ARHGEF40: variants seen among roughly 807,000 people sequenced by gnomAD.
The protein encoded by ARHGEF40 is Rho guanine nucleotide exchange factor (GEF) 40.
ARHGEF40 carries 98 observed loss-of-function variants against 165.9 expected under a neutral mutation model. The ratio of observed to expected loss-of-function variants is 0.59; its 90% CI spans 0.50 to 0.70. The LOEUF (loss-of-function observed/expected upper bound fraction) is 0.70. Among genes scored for constraint, ARHGEF40 ranks in the 30% least tolerant of loss-of-function variants. ARHGEF40 has a pLI of 0.00. For synonymous variants in ARHGEF40, 792 were observed against 814.3 expected (o/e 0.97, Z 0.47); for missense variants, 1,815 against 1,968.0 (o/e 0.92, Z 1.47).
intron 17 of ARHGEF40, 23 bp from the exon 18 acceptor site, chr14:21,084,725 CAACCA>C: frequency 6.2e-7 from 1 of 1,603,180 alleles, no homozygotes; most frequent in Non-Finnish European, 8.5e-7. Flanking sequence ...GCCCCTGGGC[CAACCA>C]CTTTTCCTTT....
At position 21,074,778 on chromosome 14, in the gene ARHGEF40, C is replaced by T; in HGVS notation, c.1048C>T (p.Leu350=). 6.2e-7 allele frequency: 1 copy of T among 1,609,934 alleles called. No homozygotes were observed. The highest frequency in any genetic ancestry group is 8.5e-7 in the Non-Finnish European group (1 of 1,178,560). The change falls in exon 3 of 24, where the codon CTG becomes TTG. Residue 350 remains leucine, a synonymous_variant. Transcript: ENST00000298694. This position sits in a 1 kb window ranked among gnomAD's most constrained non-coding sequence, Gnocchi z 4.8. ...AVGEASGSCP[L]RPGELRGGGG... is the part of the protein sequence containing the mutation. ...GGGAGAAGCCTCCGGATCTTGCCCC[C>T]TGAGGCCAGGGGAGCTTAGAGGAGG...
intron 11 of ARHGEF40, among the ~76,000 whole-genome samples, chr14:21,079,644 G>C (rs1251310373): frequency 1.3e-5 from 2 of 152,168 alleles, no homozygotes; most frequent in Non-Finnish European, 2.9e-5. Context: ...TTAGCCCCGA[G>C]CATGGTGAAT....
At chr14:21,082,721 C>A in intron 15 of ARHGEF40, 110 bp from the exon 16 acceptor site, 1 of 1,219,682 alleles carries the variant, frequency 8.2e-7, no homozygotes, top group Non-Finnish European at 1.2e-6. Context: ...TGAGTGCTCC[C>A]TGGTGACCCA....
rs1482773252 is a variant in ARHGEF40, at chr14:21,070,661, C to CCA, written c.3+268_3+269dup. On this transcript the variant is annotated intron_variant, in intron 1 of 23. Coordinates refer to ENST00000298694, the MANE Select transcript of ARHGEF40 (RefSeq NM_018071.5). This position sits in a 1 kb window ranked among gnomAD's most constrained non-coding sequence, Gnocchi z 4.7. Reference sequence around the variant, plus strand: ...TCCTCCCTTGGGTCTCTCCCCTAATCCACACACCTCCCCGCTCCCCGCCCT... The same window carrying CCA: ...TCCTCCCTTGGGTCTCTCCCCTAATCCACACACACCTCCCCGCTCCCCGCCCT... Among the ~76,000 whole-genome samples the CCA allele has an allele frequency of 2.0e-5, 3 of 152,110 alleles. No homozygotes were observed. The highest frequency in any genetic ancestry group is 4.4e-5 in the Non-Finnish European group (3 of 68,010).
At chr14:21,077,224 C>T (rs934073933) in intron 8 of ARHGEF40, among the ~76,000 whole-genome samples, 2 of 152,010 alleles carry the variant, frequency 1.3e-5, no homozygotes, top group South Asian at 4.2e-4. Flanking sequence ...CCCATGTCAA[C>T]CTCTTGAGTA....
At chr14:21,083,029 A>G in intron 16 of ARHGEF40, 112 bp downstream of exon 16, 1 of 901,510 alleles carries the variant, frequency 1.1e-6, no homozygotes, top group Admixed American at 2.1e-5. Context: ...AACATCACCT[A>G]CCAATCATCT....
rs1316883966 is a variant in ARHGEF40, at chr14:21,087,475, C to T, written c.4387+12C>T. On this transcript the variant is annotated intron_variant, in intron 21 of 23. Coordinates refer to ENST00000298694, the MANE Select transcript of ARHGEF40 (RefSeq NM_018071.5). ...GCAAATTTCCCTGGGTGAGGCACCTCTCAAGGGGTGGCTCCCAACAGCTCG... is the reference window on the plus strand; with the variant it reads ...GCAAATTTCCCTGGGTGAGGCACCTTTCAAGGGGTGGCTCCCAACAGCTCG... 1 of 1,599,978 alleles carries T rather than the reference C, an allele frequency of 6.3e-7. No homozygotes were observed. The highest frequency in any genetic ancestry group is 1.7e-4 in the Middle Eastern group (1 of 6,058).
intron 16 of ARHGEF40, 37 bp downstream of exon 16, chr14:21,082,954 A>T (rs771313047): frequency 6.3e-7 from 1 of 1,597,388 alleles, no homozygotes; most frequent in South Asian, 1.1e-5. Context: ...AAAAGTAGAG[A>T]GGCCAGAAAG....
chr14:21,082,365 G>A lies in ARHGEF40; in HGVS notation c.3373G>A (p.Ala1125Thr). 2 of 1,611,542 alleles carry A rather than the reference G, an allele frequency of 1.2e-6. No homozygotes were observed. Among genetic ancestry groups the A allele is most frequent in the South Asian group, 1.1e-5 (1 of 91,064 alleles). Residue 1125 changes from alanine to threonine, a missense_variant, in exon 15 of 24, where the codon GCT becomes ACT. Ala to Thr is a moderately conservative substitution (Grantham distance 58). Coordinates refer to ENST00000298694, the MANE Select transcript of ARHGEF40 (RefSeq NM_018071.5). The part of the protein sequence containing the change: ...LTPELRGTWA[A>T]ALSARERLRS... ...GCCTGAACTTCGGGGCACCTGGGCTGCTGCCCTGAGTGCCCGGGAAAGGCT... is the reference window on the plus strand; with the variant it reads ...GCCTGAACTTCGGGGCACCTGGGCTACTGCCCTGAGTGCCCGGGAAAGGCT...
chr14:21,072,963 G>A lies in ARHGEF40; in HGVS notation c.4-82G>A. On this transcript the variant is annotated intron_variant, in intron 1 of 23. Transcript: ENST00000298694. This position sits in a 1 kb window ranked among gnomAD's most constrained non-coding sequence, Gnocchi z 4.1. ...TACAATCGGGGCTTTGGAGAACACAGCCAACCCCAGACCAGTGCAGCTCCC... is the reference window on the plus strand; with the variant it reads ...TACAATCGGGGCTTTGGAGAACACAACCAACCCCAGACCAGTGCAGCTCCC... 3.5e-6 allele frequency: 5 copies of A among 1,421,232 alleles called. No individual in the cohort carries two copies. The highest frequency in any genetic ancestry group is 1.3e-5 in the South Asian group (1 of 78,156). 88.0% of individuals were successfully genotyped at this position (1,421,232 alleles called of 1,614,324 possible). A position where few individuals can be genotyped will look rare whatever the true frequency, so the allele number is the denominator to read the frequency against.
upstream of ARHGEF40, among the ~76,000 whole-genome samples, chr14:21,069,922 T>G (rs1302666731): frequency 6.6e-6 from 1 of 152,154 alleles, no homozygotes; most frequent in Non-Finnish European, 1.5e-5. Flanking sequence ...CCAAGGGAAT[T>G]CACGCACGCC....
intron 12 of ARHGEF40, 33 bp downstream of exon 12, chr14:21,080,815 G>A: frequency 1.2e-6 from 2 of 1,603,210 alleles, no homozygotes; most frequent in Middle Eastern, 1.7e-4. Context: ...GTGAGAGGAG[G>A]CAGGGGGAGA....
At chr14:21,086,084 A>T (rs4982406) in intron 19 of ARHGEF40, 190,310 of 558,924 alleles carry the variant, frequency 0.34, 35,170 homozygotes, top group East Asian at 0.45. Flanking sequence ...GGGAAGCAAG[A>T]GCAAGTAGGG....
intron 22 of ARHGEF40, 83 bp downstream of exon 22, chr14:21,088,181 G>A: frequency 6.8e-7 from 1 of 1,467,986 alleles, no homozygotes; most frequent in East Asian, 2.4e-5. Flanking sequence ...TCAACCCCAG[G>A]GGGGTTGGGG....
rs975774136 is a variant in ARHGEF40 at position 21,084,957 on chromosome 14, G to A, written c.3960+34G>A. 6 of 1,600,046 alleles carry A rather than the reference G, an allele frequency of 3.7e-6. No individual in the cohort carries two copies. The Admixed American group carries it at 1.0e-4, about 28-fold the overall frequency. ...CCTGGAGTGAGTGGTGGAGGTGACA[G>A]GAAGTCATTCTCTTCTTGAGAACTC... is the stretch of plus-strand genomic sequence containing the variant. On this transcript the variant is annotated intron_variant, in intron 18 of 23. Transcript: ENST00000298694.
intron 21 of ARHGEF40, 138 bp downstream of exon 21, chr14:21,087,601 A>G (rs1204963785): frequency 1.6e-6 from 2 of 1,252,796 alleles, no homozygotes; most frequent in Admixed American, 2.6e-5. Context: ...CCCCACCGCT[A>G]AAAGAGCCTT....
chr14:21,086,175 C>G (rs1230352429), intron 19 of ARHGEF40: 2 of 321,692 alleles, frequency 6.2e-6, no homozygotes, highest in East Asian at 1.4e-4. Flanking sequence ...GCCAGGTGTT[C>G]AAGACCAGCC....
At chr14:21,076,118 T>C (rs1348764129) in intron 5 of ARHGEF40, among the ~76,000 whole-genome samples, 10 of 152,184 alleles carry the variant, frequency 6.6e-5, no homozygotes, top group Non-Finnish European at 1.2e-4. Flanking sequence ...TTCTTAATTT[T>C]CCAGACCTTA....
chr14:21,075,287 A>T lies in ARHGEF40; in HGVS notation c.1451-45A>T, dbSNP rs370260602. 3.1e-6 allele frequency: 5 copies of T among 1,608,894 alleles called. No individual in the cohort carries two copies. Among genetic ancestry groups the T allele is most frequent in the Non-Finnish European group, 4.2e-6 (5 of 1,177,712 alleles). On this transcript the variant is annotated intron_variant, in intron 3 of 23. Coordinates refer to ENST00000298694, the MANE Select transcript of ARHGEF40 (RefSeq NM_018071.5). The surrounding 1 kb of genome is among the most constrained non-coding windows in gnomAD (Gnocchi z 4.5). ...GTTAGGCTGGGAGCAGAACAACCAGAACCATCTTAACTTCAGTCCCATGTT... is the reference window on the plus strand; with the variant it reads ...GTTAGGCTGGGAGCAGAACAACCAGTACCATCTTAACTTCAGTCCCATGTT...
Sources: gnomAD v4.1 joint callset for allele counts (sites outside exome capture counted in the v4.1 genomes callset) on GRCh38, gnomAD v4.1.1 for gene constraint, Gnocchi (gnomAD v3.1) non-coding constraint, MANE v1.5 for transcripts, NCBI Gene and HGNC (gene_info 2026-07-23, HGNC 2026-07-21) for gene names.